The following RFX3 variants were observed in gnomAD, a reference collection of about 807,000 sequenced individuals.
RFX3 encodes regulatory factor X3, also known as transcription factor RFX3.
RFX3 carries 14 observed loss-of-function variants against 98.6 expected under a neutral mutation model. That is an observed-to-expected ratio of 0.14 (90% CI 0.09 to 0.22). The LOEUF (loss-of-function observed/expected upper bound fraction) is 0.22. Among genes scored for constraint, RFX3 ranks in the 10% least tolerant of loss-of-function variants. The pLI is 1.00. For synonymous variants in RFX3, 383 were observed against 328.4 expected (o/e 1.17, Z -1.80); for missense variants, 639 against 926.9 (o/e 0.69, Z 4.03).
chr9:3,344,531 C>G (rs1204729597), intron 3 of RFX3, among the ~76,000 whole-genome samples: 1 of 152,140 alleles, frequency 6.6e-6, no homozygotes, highest in Non-Finnish European at 1.5e-5. Context: ...TCCACCTTAG[C>G]TGGGACCAGT....
In RFX3 at chr9:3,384,090, C is replaced by T. The variant is rs567593694; in HGVS notation, c.117+11382G>A. ...AAAAGATGATTCTCAAACTGTGTTCCATAAATCCCTAGAGGTTCCACAAAG... is the reference window on the plus strand; with the variant it reads ...AAAAGATGATTCTCAAACTGTGTTCTATAAATCCCTAGAGGTTCCACAAAG... On this transcript the variant is annotated intron_variant, in intron 2 of 16. Coordinates refer to ENST00000617270, the MANE Select transcript of RFX3 (RefSeq NM_001282116.2). Among the ~76,000 whole-genome samples the T allele has an allele frequency of 9.9e-5, 15 of 152,194 alleles. No individual in the cohort carries two copies. The East Asian group carries it at 2.7e-3, about 27-fold the overall frequency.
At chr9:3,491,461 T>C (rs970684608) in intron 1 of RFX3, among the ~76,000 whole-genome samples, 12 of 152,194 alleles carry the variant, frequency 7.9e-5, no homozygotes, top group Non-Finnish European at 1.6e-4. Flanking sequence ...TTAACAATTT[T>C]GAGCAACATG....
At chr9:3,341,359 C>G (rs923556649) in intron 3 of RFX3, among the ~76,000 whole-genome samples, 4 of 151,316 alleles carry the variant, frequency 2.6e-5, no homozygotes, top group African/African-American at 9.7e-5. Context: ...ACATATGTAA[C>G]AAACCTGCAC....
rs1426694466 is a variant in RFX3 at position 3,272,618 on chromosome 9, AT to A, written c.1087-1501del. Among the ~76,000 whole-genome samples, 4 of 152,328 alleles carry A rather than the reference AT, an allele frequency of 2.6e-5. No individual in the cohort carries two copies. The East Asian group carries it at 7.7e-4, about 29-fold the overall frequency. On this transcript the variant is annotated intron_variant, in intron 9 of 16. Coordinates refer to ENST00000617270, the MANE Select transcript of RFX3 (RefSeq NM_001282116.2). Reference sequence around the variant, plus strand: ...AGATCAAAATCTTCTCCAGCAGCAAATTTTTGTAACTGCTTTCTCAATTGTA... The same window carrying A: ...AGATCAAAATCTTCTCCAGCAGCAAATTTTGTAACTGCTTTCTCAATTGTA...
chr9:3,305,380 A>T (rs1238500273), intron 4 of RFX3, among the ~76,000 whole-genome samples: 1 of 152,000 alleles, frequency 6.6e-6, no homozygotes, highest in Admixed American at 6.6e-5. Context: ...TGCTAGGTAT[A>T]ATGGGGCCAT....
rs1377426418 is a variant in RFX3, at chr9:3,467,033, T to TAA, written c.-9+58713_-9+58714insTT. Among the ~76,000 whole-genome samples, 324 of 143,894 alleles carry TAA rather than the reference T, an allele frequency of 2.3e-3. 3 individuals are homozygous for TAA. Among genetic ancestry groups the TAA allele is most frequent in the African/African-American group, 6.0e-3 (236 of 39,096 alleles). The allele number at this position is 143,894 out of a possible 152,430, so 94.4% of individuals were successfully genotyped here. On this transcript the variant is annotated intron_variant, in intron 1 of 16. Coordinates refer to ENST00000617270, the MANE Select transcript of RFX3 (RefSeq NM_001282116.2). ...ATATACCTAAATCTAAAGAATTATA[T>TAA]ATATATATATATATGTATATACATA...
Position 3,263,012 on chromosome 9 carries a change from G to A in RFX3, c.1528C>T (p.Arg510Cys), listed in dbSNP as rs1823122083. The A allele has an allele frequency of 6.2e-7, 1 of 1,613,858 alleles. No homozygotes were observed. Among genetic ancestry groups the A allele is most frequent in the Non-Finnish European group, 8.5e-7 (1 of 1,179,810 alleles). Residue 510 changes from arginine (R) to cysteine (C), a missense_variant, in exon 13 of 17, where the codon CGT becomes TGT. Around this residue, in one of 9 missense-constraint regions of RFX3, gnomAD observed 138 missense variants for 308.9 expected, o/e 0.45. Transcript: ENST00000617270. ...TGGGAAGTGTTCTGAAGCACTGCAC[G>A]AGCTGCCTGGGCCAGGTGATTAAGC... ...TSLNHLAQAA[R>C]AVLQNTSQIN...
chr9:3,308,960 G>A (rs549138442), intron 4 of RFX3, among the ~76,000 whole-genome samples: 10 of 152,194 alleles, frequency 6.6e-5, no homozygotes, highest in Admixed American at 1.3e-4. Context: ...TGGGCAAGAC[G>A]ATCTCCACAC....
chr9:3,388,081 T>A (rs1172564749), intron 2 of RFX3, among the ~76,000 whole-genome samples: 1 of 152,130 alleles, frequency 6.6e-6, no homozygotes, highest in African/African-American at 2.4e-5. Flanking sequence ...ATAAACTTTA[T>A]CATCGGTATA....
At chr9:3,349,602 C>A (rs190581384) in intron 2 of RFX3, among the ~76,000 whole-genome samples, 1 of 152,162 alleles carries the variant, frequency 6.6e-6, no homozygotes, top group East Asian at 1.9e-4. Flanking sequence ...CAACAGGTAA[C>A]CATTTTCACT....
At position 3,220,021 on chromosome 9, in the gene RFX3, G is replaced by C. The variant is rs1249386030; in HGVS notation, c.*5021C>G. ...AACAAAATCAGCAATGGTGTAAGCA[G>C]ACTGACATTTAGAGATATCAGAAGC... On this transcript the variant is annotated 3_prime_UTR_variant, in exon 17 of 17. Coordinates refer to ENST00000617270, the MANE Select transcript of RFX3 (RefSeq NM_001282116.2). 6.6e-6 allele frequency: 1 copy of C among 152,198 alleles called. No individual in the cohort carries two copies. The highest frequency in any genetic ancestry group is 2.1e-4 in the South Asian group (1 of 4,832). The allele number at this position is 152,198 out of a possible 1,614,324, so 9.4% of individuals were successfully genotyped here.
At chr9:3,336,111 C>T (rs1417706849) in intron 3 of RFX3, among the ~76,000 whole-genome samples, 1 of 152,134 alleles carries the variant, frequency 6.6e-6, no homozygotes, top group South Asian at 2.1e-4. Flanking sequence ...GAAAGTGATA[C>T]ATTAAGGAAA....
intron 14 of RFX3, among the ~76,000 whole-genome samples, chr9:3,250,610 C>G (rs1821256225): frequency 6.6e-6 from 1 of 151,916 alleles, no homozygotes; most frequent in Non-Finnish European, 1.5e-5. Context: ...GAAATTTACA[C>G]AATTGACCAA....
Position 3,232,771 on chromosome 9 carries a change from TGAGAGA to T in RFX3, c.1969-3888_1969-3883del, listed in dbSNP as rs36070658. Among the ~76,000 whole-genome samples, 393 of 132,374 alleles carry T rather than the reference TGAGAGA, an allele frequency of 3.0e-3. 1 individual carries two copies. Among genetic ancestry groups the T allele is most frequent in the African/African-American group, 7.2e-3 (248 of 34,376 alleles). 86.8% of individuals were successfully genotyped at this position (132,374 alleles called of 152,430 possible). ...CAGATATTCTCCTTGGTTTAGAATCTGAGAGAGAGAGAGAGAGAGAGAGAGAGAGAA... is the reference window on the plus strand; with the variant it reads ...CAGATATTCTCCTTGGTTTAGAATCTGAGAGAGAGAGAGAGAGAGAGAGAA... On this transcript the variant is annotated intron_variant, in intron 15 of 16. Transcript: ENST00000617270.
intron 1 of RFX3, chr9:3,420,691 G>C (rs1843369642): frequency 2.9e-6 from 2 of 684,876 alleles, no homozygotes; most frequent in Non-Finnish European, 3.6e-6. Context: ...TTAAGAGGCA[G>C]GTTCCACAGC....
At chr9:3,351,739 A>G (rs957786397) in intron 2 of RFX3, among the ~76,000 whole-genome samples, 1 of 151,998 alleles carries the variant, frequency 6.6e-6, no homozygotes, top group Non-Finnish European at 1.5e-5. Flanking sequence ...AGATAACTTC[A>G]AATGAAAAGA....
intron 1 of RFX3, among the ~76,000 whole-genome samples, chr9:3,405,313 T>G (rs1841856823): frequency 6.6e-6 from 1 of 152,190 alleles, no homozygotes; most frequent in African/African-American, 2.4e-5. Context: ...GTTTAGCCAC[T>G]AATAACTATT....
At chr9:3,516,725 ACTCTCTCT>A (rs139117644) in intron 1 of RFX3, among the ~76,000 whole-genome samples, 10 of 148,322 alleles carry the variant, frequency 6.7e-5, no homozygotes, top group African/African-American at 2.5e-4. Context: ...TCGCTTTCGC[ACTCTCTCT>A]CTCTCTCTCT....
intron 9 of RFX3, among the ~76,000 whole-genome samples, chr9:3,272,673 A>G (rs1039350483): frequency 3.3e-5 from 5 of 152,222 alleles, no homozygotes; most frequent in African/African-American, 9.6e-5. Context: ...AGACATCTCT[A>G]AAAGTGTGGA....
Sources: gnomAD v4.1 joint callset for allele counts (sites outside exome capture counted in the v4.1 genomes callset) on GRCh38, gnomAD v4.1.1 for gene constraint, gnomAD v4.1.1 regional missense constraint, MANE v1.5 for transcripts, NCBI Gene and HGNC (gene_info 2026-07-23, HGNC 2026-07-21) for gene names.